The following NKAIN3 variants were observed in gnomAD, a reference collection of about 807,000 sequenced individuals.
NKAIN3 encodes the protein sodium/potassium transporting ATPase interacting 3, also known as sodium/potassium-transporting ATPase subunit beta-1-interacting protein 3.
In NKAIN3, 25 loss-of-function variants were observed where a neutral mutation model predicts 30.2. The ratio of observed to expected loss-of-function variants is 0.83; its 90% CI spans 0.60 to 1.16. NKAIN3 has a LOEUF of 1.16. Ranked by LOEUF, NKAIN3 falls within the 50% of genes most tolerant of loss-of-function variation. NKAIN3 has a pLI of 0.00. For synonymous variants in NKAIN3, 91 were observed against 89.6 expected (o/e 1.02, Z -0.09); for missense variants, 225 against 254.1 (o/e 0.89, Z 0.78).
chr8:62,820,747 T>C (rs1818823644), intron 4 of NKAIN3, among the ~76,000 whole-genome samples: 2 of 152,090 alleles, frequency 1.3e-5, no homozygotes, highest in Admixed American at 1.3e-4. Context: ...CAGAAAAACT[T>C]CTTGGAGTAA....
At chr8:62,283,956 A>G (rs959516118) in intron 1 of NKAIN3, among the ~76,000 whole-genome samples, 2 of 152,212 alleles carry the variant, frequency 1.3e-5, no homozygotes, top group South Asian at 4.1e-4. Flanking sequence ...GCATCACAAA[A>G]GCATTAAAAA....
chr8:62,425,977 C>G (rs1804793108), intron 1 of NKAIN3, among the ~76,000 whole-genome samples: 1 of 151,942 alleles, frequency 6.6e-6, no homozygotes, highest in Non-Finnish European at 1.5e-5. Flanking sequence ...CAGAATAGAA[C>G]ATACATTTAA....
intron 1 of NKAIN3, among the ~76,000 whole-genome samples, chr8:62,536,682 C>T (rs1027538690): frequency 1.3e-5 from 2 of 151,998 alleles, no homozygotes; most frequent in East Asian, 3.9e-4. Flanking sequence ...GAAATATTTG[C>T]TATTTTTTCT....
chr8:62,715,240 A>G (rs1402261218), intron 3 of NKAIN3, among the ~76,000 whole-genome samples: 1 of 152,172 alleles, frequency 6.6e-6, no homozygotes, highest in Non-Finnish European at 1.5e-5. Context: ...TTACAGTTCA[A>G]TATGAGATTT....
intron 4 of NKAIN3, among the ~76,000 whole-genome samples, chr8:62,752,516 C>T (rs1343999607): frequency 1.3e-5 from 2 of 152,160 alleles, no homozygotes; most frequent in Non-Finnish European, 2.9e-5. Context: ...GTATTTTCCT[C>T]AATCTTGTTT....
intron 5 of NKAIN3, among the ~76,000 whole-genome samples, chr8:62,935,246 T>C (rs1031084901): frequency 1.2e-4 from 19 of 152,204 alleles, no homozygotes; most frequent in Non-Finnish European, 1.0e-4. Flanking sequence ...AATGTTGGAA[T>C]TCTTACAGAT....
At chr8:62,326,962 A>G (rs1376765914) in intron 1 of NKAIN3, among the ~76,000 whole-genome samples, 2 of 151,952 alleles carry the variant, frequency 1.3e-5, no homozygotes, top group South Asian at 2.1e-4. Flanking sequence ...CCTTGCCAAC[A>G]CTTGCTATTT....
At chr8:62,280,514 T>C (rs1026283223) in intron 1 of NKAIN3, among the ~76,000 whole-genome samples, 111 of 152,306 alleles carry the variant, frequency 7.3e-4, no homozygotes, top group African/African-American at 2.5e-3. Context: ...TGTGGGTTTC[T>C]CATAAATAGC....
rs140402922 is a variant in NKAIN3 at position 62,535,710 on chromosome 8, C to T, written c.55-43829C>T. On this transcript the variant is annotated intron_variant, in intron 1 of 6. Coordinates refer to ENST00000623646, the MANE Select transcript of NKAIN3 (RefSeq NM_001304533.3). ...ATACCCTCCCTGGGTGCCCTACCCTCCAGCAGCCTCCAGGTATTCAGCTCC... is the reference window on the plus strand; with the variant it reads ...ATACCCTCCCTGGGTGCCCTACCCTTCAGCAGCCTCCAGGTATTCAGCTCC... Among the ~76,000 whole-genome samples, 475 of 152,272 alleles carry T rather than the reference C, an allele frequency of 3.1e-3. 1 individual carries two copies. Among genetic ancestry groups the T allele is most frequent in the African/African-American group, 0.011 (458 of 41,564 alleles).
chr8:62,524,050 A>G (rs1271220854), intron 1 of NKAIN3, among the ~76,000 whole-genome samples: 1 of 152,220 alleles, frequency 6.6e-6, no homozygotes, highest in East Asian at 1.9e-4. Context: ...TATATTAACA[A>G]TAATTACTTT....
At chr8:62,258,042 T>C (rs1289998905) in intron 1 of NKAIN3, among the ~76,000 whole-genome samples, 1 of 152,150 alleles carries the variant, frequency 6.6e-6, no homozygotes, top group African/African-American at 2.4e-5. Flanking sequence ...TTTATTTTAT[T>C]TTATTTTTTT....
intron 3 of NKAIN3, among the ~76,000 whole-genome samples, chr8:62,733,445 A>G (rs1354721726): frequency 6.6e-6 from 1 of 152,148 alleles, no homozygotes; most frequent in Non-Finnish European, 1.5e-5. Flanking sequence ...ATACGTATAT[A>G]TTTCTGAGTT....
chr8:62,879,575 T>C (rs957031778), intron 4 of NKAIN3, among the ~76,000 whole-genome samples: 97 of 152,214 alleles, frequency 6.4e-4, no homozygotes, highest in Non-Finnish European at 2.2e-4. Context: ...TATGCTGTTG[T>C]ATTTTTGTTG....
rs369512784 is a variant in NKAIN3, at chr8:62,930,477, C to T, written c.532+11964C>T. 6.6e-5 allele frequency among the ~76,000 whole-genome samples: 10 copies of T among 152,190 alleles called. No homozygotes were observed. The East Asian group carries it at 1.2e-3, about 18-fold the overall frequency. On this transcript the variant is annotated intron_variant, in intron 5 of 6. Coordinates refer to ENST00000623646, the MANE Select transcript of NKAIN3 (RefSeq NM_001304533.3). Reference sequence around the variant, plus strand: ...CCATGTTGGCCAGGCTGGTCTCGAACTCCTGACCACAGGTGATCCACCCGC... The same window carrying T: ...CCATGTTGGCCAGGCTGGTCTCGAATTCCTGACCACAGGTGATCCACCCGC...
intron 3 of NKAIN3, among the ~76,000 whole-genome samples, chr8:62,654,494 G>T (rs533092939): frequency 1.1e-4 from 17 of 152,134 alleles, no homozygotes; most frequent in Non-Finnish European, 1.6e-4. Flanking sequence ...GTTGGGACAA[G>T]AAGATGATAC....
intron 5 of NKAIN3, among the ~76,000 whole-genome samples, chr8:62,948,471 T>C (rs1347797391): frequency 6.6e-6 from 1 of 152,190 alleles, no homozygotes; most frequent in Non-Finnish European, 1.5e-5. Flanking sequence ...GTGCTGGGAT[T>C]ACAGGCGTGA....
Position 62,579,687 on chromosome 8 carries a change from T to C in NKAIN3, c.192+11T>C, listed in dbSNP as rs1810233001. The C allele has an allele frequency of 1.4e-6, 2 of 1,405,654 alleles. No homozygotes were observed. Among genetic ancestry groups the C allele is most frequent in the Non-Finnish European group, 1.9e-6 (2 of 1,068,340 alleles). 87.1% of individuals were successfully genotyped at this position (1,405,654 alleles called of 1,614,324 possible). A position where few individuals can be genotyped will look rare whatever the true frequency, so the allele number is the denominator to read the frequency against. Reference sequence around the variant, plus strand: ...CGATACATAATGGTGGTAAGTCTTATTTTTATCATTTTGCTTCATATAAAC... The same window carrying C: ...CGATACATAATGGTGGTAAGTCTTACTTTTATCATTTTGCTTCATATAAAC... On this transcript the variant is annotated intron_variant, in intron 2 of 6. Coordinates refer to ENST00000623646, the MANE Select transcript of NKAIN3 (RefSeq NM_001304533.3).
intron 3 of NKAIN3, among the ~76,000 whole-genome samples, chr8:62,700,279 G>C (rs1240338620): frequency 6.6e-6 from 1 of 152,160 alleles, no homozygotes; most frequent in African/African-American, 2.4e-5. Flanking sequence ...AAATGTACTT[G>C]ACAATTCAGA....
intron 4 of NKAIN3, among the ~76,000 whole-genome samples, chr8:62,872,315 C>T (rs1820671698): frequency 6.6e-6 from 1 of 152,214 alleles, no homozygotes; most frequent in Non-Finnish European, 1.5e-5. Flanking sequence ...ACAGAGAACT[C>T]TGTGGTGACA....
Sources: allele counts gnomAD v4.1 joint callset (sites outside exome capture counted in the v4.1 genomes callset), GRCh38; gene constraint gnomAD v4.1.1; transcripts MANE v1.5; gene names NCBI Gene and HGNC (gene_info 2026-07-23, HGNC 2026-07-21).